CELA2B: variants seen among roughly 807,000 people sequenced by gnomAD.
The protein encoded by CELA2B is chymotrypsin-like elastase family member 2B.
A neutral mutation model predicts 36.5 loss-of-function variants in CELA2B; 27 were observed. That is an observed-to-expected ratio of 0.74 (90% CI 0.55 to 1.02). The LOEUF (loss-of-function observed/expected upper bound fraction) is 1.02, where lower values mean the gene tolerates loss of function less well. Ranked by LOEUF, CELA2B falls within the 50% of genes least tolerant of loss-of-function variation. The pLI, the probability that CELA2B is intolerant of heterozygous loss-of-function variation, is 0.00. For synonymous variants in CELA2B, 143 were observed against 148.5 expected, an observed-to-expected ratio of 0.96 and a Z score of 0.27; for missense variants, 340 against 347.8, an observed-to-expected ratio of 0.98 and a Z score of 0.18.
At chr1:15,491,062 G>T (rs1305584886) in intron 7 of CELA2B, 1 of 555,114 alleles carries the variant, frequency 1.8e-6, no homozygotes, top group African/African-American at 1.9e-5. Flanking sequence ...GCCCACACAG[G>T]ACTCCTGGCT....
chr1:15,486,622 C>T (rs746720847), intron 6 of CELA2B, among the ~76,000 whole-genome samples: 22 of 152,192 alleles, frequency 1.4e-4, no homozygotes, highest in Admixed American at 8.5e-4. Context: ...CTTTCCTCTA[C>T]GCTGGAAGGG....
At chr1:15,483,936 A>C (rs1463190744) in intron 5 of CELA2B, among the ~76,000 whole-genome samples, 1 of 152,110 alleles carries the variant, frequency 6.6e-6, no homozygotes, top group Non-Finnish European at 1.5e-5. Context: ...CTCCAAAAAA[A>C]AAAAAGGCAT....
At chr1:15,489,933 G>A (rs1708854695) in intron 7 of CELA2B, among the ~76,000 whole-genome samples, 1 of 152,014 alleles carries the variant, frequency 6.6e-6, no homozygotes, top group South Asian at 2.1e-4. Flanking sequence ...GAGTACAGTG[G>A]CTTGATCTCA....
rs116889844 is a variant in CELA2B at position 15,489,800 on chromosome 1, G to A, written c.793-1495G>A. Among the ~76,000 whole-genome samples the A allele has an allele frequency of 5.8e-3, 881 of 152,300 alleles. 31 individuals carry two copies. Among genetic ancestry groups the A allele is most frequent in the Admixed American group, 0.035 (537 of 15,286 alleles). On this transcript the variant is annotated intron_variant, in intron 7 of 7. Transcript: ENST00000375910. ...GTAAAAATATTAAAAGAATACAGGAGAGTATCAAGTAAAAAAGTAGAAGTC... is the reference window on the plus strand; with the variant it reads ...GTAAAAATATTAAAAGAATACAGGAAAGTATCAAGTAAAAAAGTAGAAGTC...
chr1:15,477,200 T>A (rs1325123529), intron 2 of CELA2B, among the ~76,000 whole-genome samples: 1 of 152,226 alleles, frequency 6.6e-6, no homozygotes, highest in Non-Finnish European at 1.5e-5. Flanking sequence ...TTCCTTGCTT[T>A]AAGGAACCAA....
Position 15,482,311 on chromosome 1 carries a change from G to A in CELA2B, c.274G>A (p.Val92Ile), listed in dbSNP as rs568648004. 1.1e-5 allele frequency: 18 copies of A among 1,614,060 alleles called. No homozygotes were observed. Among genetic ancestry groups the A allele is most frequent in the Middle Eastern group, 1.7e-4 (1 of 6,060 alleles). Residue 92 changes from valine to isoleucine, a missense_variant, in exon 4 of 8, where the codon GTT (valine) becomes ATT (isoleucine). By Grantham distance (29) the Val-to-Ile change is conservative. Transcript: ENST00000375910. ...GATGCTGGGCCAGCATAACCTCTAC[G>A]TTGCAGAGTCCGGCTCGCTGGCCGT... ...RVMLGQHNLY[V>I]AESGSLAVSV...
intron 6 of CELA2B, 84 bp from the exon 7 acceptor site, chr1:15,487,198 GAAC>G: frequency 7.8e-7 from 1 of 1,289,664 alleles, no homozygotes; most frequent in South Asian, 1.2e-5. Context: ...ACCTGCAGCA[GAAC>G]AATAGAAATG....
rs550041338 is a variant in CELA2B, at chr1:15,491,350, G to A, written c.*38G>A. ...CCTGGGACTGTTTCAGACTTGGAAAGGTCACAGAAGGAAAATAATATTATA... is the reference window on the plus strand; with the variant it reads ...CCTGGGACTGTTTCAGACTTGGAAAAGTCACAGAAGGAAAATAATATTATA... On this transcript the variant is annotated 3_prime_UTR_variant, in exon 8 of 8. Transcript: ENST00000375910. 6 of 1,612,002 alleles carry A rather than the reference G, an allele frequency of 3.7e-6. No individual in the cohort carries two copies. The South Asian group carries it at 6.6e-5, about 18-fold the overall frequency.
chr1:15,479,666 T>C (rs1024501118), intron 2 of CELA2B, among the ~76,000 whole-genome samples: 7 of 152,152 alleles, frequency 4.6e-5, no homozygotes, highest in African/African-American at 1.7e-4. Flanking sequence ...GAGACAAGTG[T>C]GTCTGTGTGT....
Position 15,481,735 on chromosome 1 carries a change from C to T in CELA2B, c.228-530C>T, listed in dbSNP as rs191998836. 2,448 of 469,718 alleles carry T rather than the reference C, an allele frequency of 5.2e-3. 25 individuals carry two copies. The highest frequency in any genetic ancestry group is 5.1e-3 in the Non-Finnish European group (1,154 of 227,206). 29.1% of individuals were successfully genotyped at this position (469,718 alleles called of 1,614,324 possible). On this transcript the variant is annotated intron_variant, in intron 3 of 7. Transcript: ENST00000375910. Reference sequence around the variant, plus strand: ...TCTGCTCATCACAGCTGGAACTCACCGGAGTTTCTGCCGGGTCAGTGTGAC... The same window carrying T: ...TCTGCTCATCACAGCTGGAACTCACTGGAGTTTCTGCCGGGTCAGTGTGAC...
intron 6 of CELA2B, 149 bp downstream of exon 6, chr1:15,486,195 C>G: frequency 9.2e-7 from 1 of 1,090,758 alleles, no homozygotes; most frequent in African/African-American, 1.6e-5. Flanking sequence ...AGAACCTGAC[C>G]TTTGGCCAGG....
chr1:15,477,028 A>T (rs1708682006), intron 2 of CELA2B, among the ~76,000 whole-genome samples: 1 of 152,190 alleles, frequency 6.6e-6, no homozygotes, highest in South Asian at 2.1e-4. Flanking sequence ...CAACCTTGGG[A>T]GTGAAGGGAG....
intron 4 of CELA2B, among the ~76,000 whole-genome samples, chr1:15,482,842 G>C (rs1708759139): frequency 6.6e-6 from 1 of 152,204 alleles, no homozygotes; most frequent in East Asian, 1.9e-4. Flanking sequence ...CTGTAGTGCA[G>C]TAGCACAATC....
Position 15,486,115 on chromosome 1 carries a change from A to G in CELA2B, c.639+69A>G. On this transcript the variant is annotated intron_variant, in intron 6 of 7. Coordinates refer to ENST00000375910, the MANE Select transcript of CELA2B (RefSeq NM_015849.3). ...GCTGGGGATGGGAAGAGGCTATGGA[A>G]AACCATCCCTCCATAGGTCCATCCT... is the stretch of plus-strand genomic sequence containing the variant. 8 of 1,572,272 alleles carry G rather than the reference A, an allele frequency of 5.1e-6. No homozygotes were observed. In the South Asian group the frequency reaches 8.1e-5, roughly 16 times the overall value.
At chr1:15,476,261 T>C (rs1200690975) in intron 1 of CELA2B, 96 bp downstream of exon 1, 112 of 1,530,110 alleles carry the variant, frequency 7.3e-5, no homozygotes, top group Non-Finnish European at 9.9e-5. Context: ...ACCCAACCCC[T>C]ACTGCATTCA....
At chr1:15,487,560 T>C (rs1271463143) in intron 7 of CELA2B, 123 bp downstream of exon 7, 1 of 1,332,288 alleles carries the variant, frequency 7.5e-7, no homozygotes, top group African/African-American at 1.5e-5. Context: ...GGGAACCCCT[T>C]GGAGGAGGCT....
chr1:15,482,767 C>T (rs1458992760), intron 4 of CELA2B, among the ~76,000 whole-genome samples: 1 of 152,000 alleles, frequency 6.6e-6, no homozygotes, highest in African/African-American at 2.4e-5. Flanking sequence ...CAAAGCCCTC[C>T]GCATTTTCTT....
intron 7 of CELA2B, among the ~76,000 whole-genome samples, chr1:15,488,545 G>T (rs1403753149): frequency 6.6e-6 from 1 of 152,232 alleles, no homozygotes; most frequent in Non-Finnish European, 1.5e-5. Flanking sequence ...GAAGCTGGGG[G>T]AGAAGAGGCG....
At chr1:15,483,517 C>T in intron 5 of CELA2B, 117 bp downstream of exon 5, 1 of 1,521,234 alleles carries the variant, frequency 6.6e-7, no homozygotes, top group Non-Finnish European at 8.9e-7. Context: ...CTTGGAGAGA[C>T]AGGATGGCAT....
Sources: gnomAD v4.1 joint callset for allele counts (sites outside exome capture counted in the v4.1 genomes callset) on GRCh38, gnomAD v4.1.1 for gene constraint, MANE v1.5 for transcripts, NCBI Gene and HGNC (gene_info 2026-07-23, HGNC 2026-07-21) for gene names.